Variants in SPNS2 observed in about 807,000 individuals in gnomAD.
The protein encoded by SPNS2 is sphingosine-1-phosphate transporter SPNS2.
A neutral mutation model predicts 57.6 loss-of-function variants in SPNS2; 37 were observed. The observed-to-expected ratio is 0.64, with a 90% CI of 0.49 to 0.85. The LOEUF (loss-of-function observed/expected upper bound fraction) is 0.85. Ranked by LOEUF, SPNS2 falls within the 40% of genes least tolerant of loss-of-function variation. The pLI, the probability that SPNS2 is intolerant of heterozygous loss-of-function variation, is 0.00. For missense variants in SPNS2, 831 were observed against 779.1 expected, an observed-to-expected ratio of 1.07 and a Z score of -0.79; for synonymous variants, 440 against 346.9, an observed-to-expected ratio of 1.27 and a Z score of -2.98.
rs1904829595 is a variant in SPNS2, at chr17:4,511,545, T to C, written c.371-1702T>C. 6.6e-6 allele frequency among the ~76,000 whole-genome samples: 1 copy of C among 152,160 alleles called. No homozygotes were observed. The highest frequency in any genetic ancestry group is 6.5e-5 in the Admixed American group (1 of 15,282). ...TCCTGACCCAGAAAGGAATGGGTTG[T>C]GGGGCTGTGAGCCTCTGGGGCTGGG... On this transcript the variant is annotated intron_variant, in intron 1 of 12. Transcript: ENST00000329078. The surrounding 1 kb of genome is among the most constrained non-coding windows in gnomAD (Gnocchi z 4.6).
At chr17:4,514,440 CA>C (rs1298875263) in intron 2 of SPNS2, among the ~76,000 whole-genome samples, 2 of 152,178 alleles carry the variant, frequency 1.3e-5, no homozygotes, top group East Asian at 1.9e-4. Flanking sequence ...CCAGTACTCA[CA>C]ATCCCTCCCG....
intron 12 of SPNS2, 38 bp from the exon 13 acceptor site, chr17:4,537,415 A>G (rs911677654): frequency 2.3e-6 from 1 of 428,272 alleles, no homozygotes; most frequent in Admixed American, 2.4e-5. Context: ...CACAGGCCCC[A>G]CTAAGCCCCA....
In SPNS2 at chr17:4,533,246, C is replaced by T. The variant is rs1905583424; in HGVS notation, c.1092C>T (p.Leu364=). 3.8e-6 allele frequency: 6 copies of T among 1,598,268 alleles called. No individual in the cohort carries two copies. In the East Asian group the frequency reaches 1.1e-4, roughly 30 times the overall value. ...CCACCATCCTCTGTCCCCACAGCCT[C>T]ATCTTTGGGGCCATCACCTGCTTTA... The part of the protein sequence containing the change: ...NSPPCGAKDS[L]IFGAITCFTG... Residue 364 remains leucine, a synonymous_variant, in exon 8 of 13, where the codon CTC becomes CTT. Transcript: ENST00000329078.
chr17:4,515,209 C>G (rs1326961270), intron 2 of SPNS2, among the ~76,000 whole-genome samples: 2 of 152,172 alleles, frequency 1.3e-5, no homozygotes, highest in Non-Finnish European at 2.9e-5. Context: ...CCTCCTCATC[C>G]CGGTGGCCTG....
chr17:4,506,899 T>C (rs1904693980), intron 1 of SPNS2, among the ~76,000 whole-genome samples: 1 of 152,184 alleles, frequency 6.6e-6, no homozygotes, highest in Non-Finnish European at 1.5e-5. Context: ...CTTGGGATTC[T>C]GGGCCACTTC....
intron 12 of SPNS2, among the ~76,000 whole-genome samples, chr17:4,537,246 C>T (rs1229870884): frequency 6.6e-6 from 1 of 152,248 alleles, no homozygotes; most frequent in Non-Finnish European, 1.5e-5. Context: ...TTCTGTTCTC[C>T]CAAATCCTCC....
Position 4,536,249 on chromosome 17 carries a change from C to G in SPNS2, c.1444-14C>G, listed in dbSNP as rs1434807629. ...GAGGGCTCTGCCCTGACATCCACCC[C>G]CAAATCCTCGCAGATCTCAGACCTG... On this transcript the variant is annotated splice_polypyrimidine_tract_variant and intron_variant, in intron 10 of 12. Transcript: ENST00000329078. 14 of 1,610,842 alleles carry G rather than the reference C, an allele frequency of 8.7e-6. No individual in the cohort carries two copies. The highest frequency in any genetic ancestry group is 1.2e-5 in the Non-Finnish European group (14 of 1,179,200).
Position 4,498,926 on chromosome 17 carries a change from A to G in SPNS2, c.-122A>G, listed in dbSNP as rs1327357296. ...AGCGCCGCAGCCGGGGCCGGAGCGC[A>G]GGAGCCGACGGGGCCCGACCAGGAT... On this transcript the variant is annotated 5_prime_UTR_variant, in exon 1 of 13. Transcript: ENST00000329078. The G allele has an allele frequency of 4.2e-6, 2 of 475,594 alleles. No individual in the cohort carries two copies. The highest frequency in any genetic ancestry group is 2.1e-5 in the African/African-American group (1 of 46,996). 29.5% of individuals were successfully genotyped at this position (475,594 alleles called of 1,614,324 possible).
Position 4,499,309 on chromosome 17 carries a change from G to A in SPNS2, c.262G>A (p.Gly88Ser), listed in dbSNP as rs1254144184. The change falls in exon 1 of 13, where the codon GGC (glycine) becomes AGC (serine). Residue 88 changes from glycine (G) to serine (S), a missense_variant. Physicochemically the swap from Gly to Ser is moderately conservative, Grantham distance 56. Around this residue, in one of 2 missense-constraint regions of SPNS2, gnomAD observed 305 missense variants for 378.3 expected, o/e 0.81. Coordinates refer to ENST00000329078, the MANE Select transcript of SPNS2 (RefSeq NM_001124758.3). This position sits in a 1 kb window ranked among gnomAD's most constrained non-coding sequence, Gnocchi z 5.2. ...CTGCGCAGCTACTGCAAAGGGCCCCGGCGCTCAGCAGCCCAAACCGGCCAG... is the reference window on the plus strand; with the variant it reads ...CTGCGCAGCTACTGCAAAGGGCCCCAGCGCTCAGCAGCCCAAACCGGCCAG... The part of the protein sequence containing the change: ...PGCAATAKGP[G>S]AQQPKPASLG... 1.3e-6 allele frequency: 2 copies of A among 1,494,050 alleles called. No individual in the cohort carries two copies. The highest frequency in any genetic ancestry group is 1.8e-6 in the Non-Finnish European group (2 of 1,128,356). 92.5% of individuals were successfully genotyped at this position (1,494,050 alleles called of 1,614,324 possible).
chr17:4,518,115 G>A (rs546842550), intron 2 of SPNS2, among the ~76,000 whole-genome samples: 4 of 152,338 alleles, frequency 2.6e-5, no homozygotes, highest in African/African-American at 9.6e-5. Context: ...AGAAGAGGCT[G>A]GACAGTGGGC....
intron 1 of SPNS2, among the ~76,000 whole-genome samples, chr17:4,507,124 G>A (rs982471704): frequency 2.0e-5 from 3 of 152,188 alleles, no homozygotes; most frequent in African/African-American, 7.2e-5. Context: ...GCCATCCAGC[G>A]CCAGGTCAGC....
chr17:4,527,802 A>G, intron 3 of SPNS2, among the ~76,000 whole-genome samples: 1 of 152,188 alleles, frequency 6.6e-6, no homozygotes, highest in East Asian at 1.9e-4. Context: ...TGGGAGTGTA[A>G]ATTGGTAGAG....
chr17:4,515,170 C>T (rs1436793782), intron 2 of SPNS2, among the ~76,000 whole-genome samples: 2 of 152,126 alleles, frequency 1.3e-5, no homozygotes, highest in African/African-American at 2.4e-5. Context: ...GCTGGCTTCT[C>T]GGGCTCATGA....
In SPNS2 at chr17:4,515,189, T is replaced by C. The variant is rs182150484; in HGVS notation, c.436+1877T>C. ...GCTTCTCGGGCTCATGAAAGAGAAGTCACTCCGTCCCTCCTCATCCCGGTG... is the reference window on the plus strand; with the variant it reads ...GCTTCTCGGGCTCATGAAAGAGAAGCCACTCCGTCCCTCCTCATCCCGGTG... On this transcript the variant is annotated intron_variant, in intron 2 of 12. Transcript: ENST00000329078. 1.1e-3 allele frequency among the ~76,000 whole-genome samples: 170 copies of C among 152,222 alleles called. 4 individuals carry two copies. The highest frequency in any genetic ancestry group is 0.011 in the Admixed American group (170 of 15,296).
At position 4,536,844 on chromosome 17, in the gene SPNS2, C is replaced by G. The variant is rs548804911; in HGVS notation, c.1608-56C>G. ...CACGACACGATGTGCCAGAGCAGTGCCCGGGCCCGGCCCCCGCTGATGCAC... is the reference window on the plus strand; with the variant it reads ...CACGACACGATGTGCCAGAGCAGTGGCCGGGCCCGGCCCCCGCTGATGCAC... On this transcript the variant is annotated intron_variant, in intron 11 of 12. Coordinates refer to ENST00000329078, the MANE Select transcript of SPNS2 (RefSeq NM_001124758.3). The G allele has an allele frequency of 2.0e-3, 2,849 of 1,454,622 alleles. 6 individuals are homozygous for G. Among genetic ancestry groups the G allele is most frequent in the Non-Finnish European group, 2.4e-3 (2,446 of 1,039,548 alleles). 90.1% of individuals were successfully genotyped at this position (1,454,622 alleles called of 1,614,324 possible). A position where few individuals can be genotyped will look rare whatever the true frequency, so the allele number is the denominator to read the frequency against.
Position 4,536,185 on chromosome 17 carries a change from C to G in SPNS2, c.1443+11C>G. The G allele has an allele frequency of 6.2e-7, 1 of 1,610,680 alleles. No homozygotes were observed. The highest frequency in any genetic ancestry group is 2.2e-5 in the East Asian group (1 of 44,822). Reference sequence around the variant, plus strand: ...TACCTCATTGGCTTTGTGAGTAGCCCCGGGGTGGGGCTGGCCAGGGCAGGC... The same window carrying G: ...TACCTCATTGGCTTTGTGAGTAGCCGCGGGGTGGGGCTGGCCAGGGCAGGC... On this transcript the variant is annotated intron_variant, in intron 10 of 12. Transcript: ENST00000329078.
intron 9 of SPNS2, 79 bp downstream of exon 9, chr17:4,533,932 G>GGGGGGGT: frequency 1.1e-6 from 1 of 916,424 alleles, no homozygotes. Flanking sequence ...GGGAGGGCGG[G>GGGGGGGT]TGAAGGGGCG....
At chr17:4,513,452 C>A in intron 2 of SPNS2, 140 bp downstream of exon 2, 1 of 815,142 alleles carries the variant, frequency 1.2e-6, no homozygotes, top group Non-Finnish European at 2.0e-6. Flanking sequence ...ATCCCAGTCT[C>A]ACTATTGCCA....
At chr17:4,507,867 C>T (rs894180339) in intron 1 of SPNS2, among the ~76,000 whole-genome samples, 17 of 152,200 alleles carry the variant, frequency 1.1e-4, no homozygotes, top group Admixed American at 3.3e-4. Context: ...TGGCCTGAGC[C>T]GAGGGCTCTT....
Sources: gnomAD v4.1 joint callset for allele counts (sites outside exome capture counted in the v4.1 genomes callset) on GRCh38, gnomAD v4.1.1 for gene constraint, gnomAD v4.1.1 regional missense constraint, Gnocchi (gnomAD v3.1) non-coding constraint, MANE v1.5 for transcripts, NCBI Gene and HGNC (gene_info 2026-07-23, HGNC 2026-07-21) for gene names.